The following ZNF148 variants were observed in gnomAD, a reference collection of about 807,000 sequenced individuals.
The protein encoded by ZNF148 is Beta-Enolase Repressor Factor-1.
In ZNF148, 7 loss-of-function variants were observed where a neutral mutation model predicts 67.7. The observed-to-expected ratio is 0.10, with a 90% CI of 0.06 to 0.19. The LOEUF (loss-of-function observed/expected upper bound fraction) is 0.19. Ranked by LOEUF, ZNF148 falls within the 10% of genes least tolerant of loss-of-function variation. The pLI, the probability that ZNF148 is intolerant of heterozygous loss-of-function variation, is 1.00. For missense variants in ZNF148, 583 were observed against 947.1 expected, an observed-to-expected ratio of 0.62 and a Z score of 5.05; for synonymous variants, 333 against 330.7, an observed-to-expected ratio of 1.01 and a Z score of -0.08.
chr3:125,259,420 T>C (rs1041220978), intron 7 of ZNF148, among the ~76,000 whole-genome samples: 12 of 152,230 alleles, frequency 7.9e-5, no homozygotes, highest in African/African-American at 2.9e-4. Context: ...AATGGTATAG[T>C]TGCTTTGGAA....
chr3:125,251,452 T>G (rs1198728003), intron 7 of ZNF148, among the ~76,000 whole-genome samples: 1 of 152,192 alleles, frequency 6.6e-6, no homozygotes, highest in Non-Finnish European at 1.5e-5. Context: ...AACACACCTG[T>G]GTAATTAGTA....
At chr3:125,267,867 A>C (rs1247473653) in intron 7 of ZNF148, among the ~76,000 whole-genome samples, 1 of 152,184 alleles carries the variant, frequency 6.6e-6, no homozygotes, top group Non-Finnish European at 1.5e-5. Flanking sequence ...CATGATAAAC[A>C]ATTTCAGTAA....
intron 4 of ZNF148, among the ~76,000 whole-genome samples, chr3:125,291,745 T>C (rs1310532519): frequency 3.3e-5 from 5 of 152,182 alleles, no homozygotes; most frequent in African/African-American, 1.2e-4. Context: ...TTTAAAAGAA[T>C]AATCTGTAGT....
intron 5 of ZNF148, 97 bp downstream of exon 5, chr3:125,288,006 T>C (rs1938794765): frequency 3.2e-6 from 5 of 1,556,270 alleles, no homozygotes; most frequent in Middle Eastern, 1.7e-4. Context: ...ACAAGACTTC[T>C]ACATCTGCCT....
intron 1 of ZNF148, among the ~76,000 whole-genome samples, chr3:125,374,362 T>C (rs1306164356): frequency 6.6e-6 from 1 of 152,184 alleles, no homozygotes; most frequent in African/African-American, 2.4e-5. Flanking sequence ...ATTCCCTGCA[T>C]CTTCTCTACT....
At chr3:125,278,526 G>T (rs1052467940) in intron 6 of ZNF148, among the ~76,000 whole-genome samples, 1 of 152,094 alleles carries the variant, frequency 6.6e-6, no homozygotes, top group Non-Finnish European at 1.5e-5. Flanking sequence ...TTATTCCAAA[G>T]ATTTTTTCTT....
intron 4 of ZNF148, among the ~76,000 whole-genome samples, chr3:125,291,680 GT>G (rs1035915316): frequency 2.0e-5 from 3 of 152,050 alleles, no homozygotes; most frequent in African/African-American, 4.8e-5. Flanking sequence ...TCCCCTGTAA[GT>G]TCTTGTGGAC....
chr3:125,240,449 C>A (rs568077857), intron 7 of ZNF148, among the ~76,000 whole-genome samples: 50 of 152,250 alleles, frequency 3.3e-4, no homozygotes, highest in African/African-American at 1.1e-3. Context: ...TAACTAAAAG[C>A]AACACTACGG....
intron 7 of ZNF148, among the ~76,000 whole-genome samples, chr3:125,262,762 A>G (rs1387249450): frequency 1.3e-5 from 2 of 152,250 alleles, no homozygotes; most frequent in Non-Finnish European, 2.9e-5. Context: ...AAATCAGAAC[A>G]TTCAGCTTCC....
intron 4 of ZNF148, among the ~76,000 whole-genome samples, chr3:125,305,361 C>T (rs1393971640): frequency 2.0e-5 from 3 of 152,152 alleles, no homozygotes; most frequent in African/African-American, 7.2e-5. Context: ...GATGAATTAA[C>T]CCAGACTAAC....
At chr3:125,367,516 T>C (rs1195946314) in intron 1 of ZNF148, among the ~76,000 whole-genome samples, 1 of 152,266 alleles carries the variant, frequency 6.6e-6, no homozygotes, top group African/African-American at 2.4e-5. Flanking sequence ...TGCTAGTGCA[T>C]ATAGTTTGGC....
At chr3:125,328,365 G>A (rs1941121692) in intron 2 of ZNF148, among the ~76,000 whole-genome samples, 1 of 152,006 alleles carries the variant, frequency 6.6e-6, no homozygotes. Context: ...ATCAAAAGAT[G>A]AGCAAAAGTA....
chr3:125,259,064 G>C (rs1347723504), intron 7 of ZNF148, among the ~76,000 whole-genome samples: 1 of 152,054 alleles, frequency 6.6e-6, no homozygotes, highest in Admixed American at 6.5e-5. Flanking sequence ...AAAGTACTAA[G>C]AGGCCTTTTG....
At chr3:125,295,067 CA>C (rs1334503372) in intron 4 of ZNF148, among the ~76,000 whole-genome samples, 12 of 152,222 alleles carry the variant, frequency 7.9e-5, no homozygotes. Flanking sequence ...TATTTTTCCA[CA>C]TATGAACTAT....
chr3:125,302,153 G>C (rs943241407), intron 4 of ZNF148, among the ~76,000 whole-genome samples: 2 of 151,966 alleles, frequency 1.3e-5, no homozygotes, highest in Non-Finnish European at 2.9e-5. Context: ...AAGGTGGGAG[G>C]ATCGCTTGAG....
chr3:125,320,356 T>G (rs1415799359), intron 3 of ZNF148, among the ~76,000 whole-genome samples: 4 of 152,262 alleles, frequency 2.6e-5, no homozygotes, highest in Non-Finnish European at 4.4e-5. Context: ...GCTTGTGCTA[T>G]ATGCTCTAAA....
Position 125,340,847 on chromosome 3 carries a change from G to T in ZNF148, c.-233-9609C>A, listed in dbSNP as rs192706626. On this transcript the variant is annotated intron_variant, in intron 1 of 8. Coordinates refer to ENST00000360647, the MANE Select transcript of ZNF148 (RefSeq NM_021964.3). ...TAAAAATACAAAAAAAATTAGCCGG[G>T]CGTAGTGGCGGGCGCCTGTAGTCCC... 8.7e-4 allele frequency among the ~76,000 whole-genome samples: 132 copies of T among 151,620 alleles called. 1 individual carries two copies. The highest frequency in any genetic ancestry group is 3.1e-3 in the African/African-American group (129 of 41,362).
intron 2 of ZNF148, among the ~76,000 whole-genome samples, chr3:125,330,729 T>A (rs1269364794): frequency 6.6e-6 from 1 of 152,070 alleles, no homozygotes; most frequent in Non-Finnish European, 1.5e-5. Flanking sequence ...ATAACTGACA[T>A]GAGTATGTGC....
intron 4 of ZNF148, among the ~76,000 whole-genome samples, chr3:125,311,675 A>C (rs1940223345): frequency 6.6e-6 from 1 of 152,162 alleles, no homozygotes; most frequent in Admixed American, 6.5e-5. Context: ...AATTGTTAAG[A>C]CAGTAATTTT....
Sources: gnomAD v4.1 joint callset for allele counts (sites outside exome capture counted in the v4.1 genomes callset) on GRCh38, gnomAD v4.1.1 for gene constraint, MANE v1.5 for transcripts, NCBI Gene and HGNC (gene_info 2026-07-23, HGNC 2026-07-21) for gene names.